The following WNT2B variants were observed in gnomAD, a reference collection of about 807,000 sequenced individuals.
WNT2B encodes the protein protein Wnt-2b.
A neutral mutation model predicts 40.5 loss-of-function variants in WNT2B; 19 were observed. That is an observed-to-expected ratio of 0.47 (90% CI 0.33 to 0.69). WNT2B has a LOEUF of 0.69. Among genes scored for constraint, WNT2B ranks in the 30% least tolerant of loss-of-function variants. The pLI is 0.02. For missense variants in WNT2B, 467 were observed against 556.4 expected (o/e 0.84, Z 1.62); for synonymous variants, 220 against 211.9 (o/e 1.04, Z -0.33).
intron 1 of WNT2B, among the ~76,000 whole-genome samples, chr1:112,472,635 G>A (rs1324985994): frequency 6.7e-6 from 1 of 149,940 alleles, no homozygotes; most frequent in Non-Finnish European, 1.5e-5. Context: ...TCAAGAATAT[G>A]TATAGGAAAA....
rs543766206 is a variant in WNT2B, at chr1:112,469,931, A to G, written c.-95+2340A>G. ...ACCCGGCCTATTTATATCTTCTTGT[A>G]CTATGTCTTCAAAAATTGTTGTGAT... is the stretch of plus-strand genomic sequence containing the variant. On this transcript the variant is annotated intron_variant, in intron 1 of 4. Transcript: ENST00000256640. Among the ~76,000 whole-genome samples the G allele has an allele frequency of 1.0e-3, 158 of 152,188 alleles. 2 individuals are homozygous for G. Among genetic ancestry groups the G allele is most frequent in the Non-Finnish European group, 1.7e-3 (116 of 67,980 alleles).
upstream of WNT2B, among the ~76,000 whole-genome samples, chr1:112,505,281 G>A (rs1364111889): frequency 6.6e-6 from 1 of 152,192 alleles, no homozygotes; most frequent in Non-Finnish European, 1.5e-5. Flanking sequence ...TCTGCAGCAT[G>A]CACCCTTGAA....
chr1:112,494,716 G>T (rs1262929064), intron 1 of WNT2B, among the ~76,000 whole-genome samples: 2 of 151,542 alleles, frequency 1.3e-5, no homozygotes, highest in African/African-American at 4.9e-5. Context: ...AAAAATAGGA[G>T]AATTTGTTGC....
chr1:112,499,072 G>C (rs1651866185), intron 1 of WNT2B, among the ~76,000 whole-genome samples: 1 of 152,088 alleles, frequency 6.6e-6, no homozygotes, highest in South Asian at 2.1e-4. Flanking sequence ...CGGTCGTGGT[G>C]GCGTGCGCCT....
chr1:112,489,653 T>C (rs780965386), intron 1 of WNT2B, among the ~76,000 whole-genome samples: 2 of 152,202 alleles, frequency 1.3e-5, no homozygotes, highest in Non-Finnish European at 2.9e-5. Context: ...GTCATAAAAC[T>C]TGCAATGCCA....
chr1:112,514,680 C>T lies in WNT2B; in HGVS notation c.183-194C>T, dbSNP rs948784601. ...GTGGGAGGCCACTCAATTACTCTCT[C>T]TGCAACTGTATAACTATTAATACTT... On this transcript the variant is annotated intron_variant, in intron 1 of 4. Coordinates refer to ENST00000369684, the MANE Select transcript of WNT2B (RefSeq NM_024494.3). The T allele has an allele frequency of 9.6e-6, 6 of 626,662 alleles. No homozygotes were observed. In the Admixed American group the frequency reaches 1.1e-4, roughly 11 times the overall value. The allele number at this position is 626,662 out of a possible 1,614,324, so 38.8% of individuals were successfully genotyped here.
upstream of WNT2B, chr1:112,508,878 C>A (rs913622016): frequency 3.4e-5 from 35 of 1,023,150 alleles, 1 homozygote; most frequent in South Asian, 9.2e-4. The surrounding 1 kb of genome is among the most constrained non-coding windows in gnomAD (Gnocchi z 4.2). Context: ...TTGGCGCGGG[C>A]GGAGCCGCCC....
chr1:112,500,612 A>AT (rs869100101), intron 1 of WNT2B, among the ~76,000 whole-genome samples: 2 of 146,774 alleles, frequency 1.4e-5, no homozygotes, highest in Non-Finnish European at 3.0e-5. Flanking sequence ...ACTAAAAAAA[A>AT]TTTTTTTTAA....
chr1:112,511,466 C>A (rs1457545504), intron 1 of WNT2B, among the ~76,000 whole-genome samples: 1 of 152,188 alleles, frequency 6.6e-6, no homozygotes, highest in Admixed American at 6.5e-5. Flanking sequence ...CCAAGCCTTT[C>A]TCTTAGGAAA....
intron 1 of WNT2B, among the ~76,000 whole-genome samples, chr1:112,501,156 CT>C (rs1280839037): frequency 2.6e-5 from 4 of 152,202 alleles, no homozygotes; most frequent in South Asian, 2.1e-4. Context: ...GAATGTCCCC[CT>C]GGTGGAATTT....
rs1652471994 is a variant in WNT2B at position 112,514,881 on chromosome 1, G to A, written c.190G>A (p.Gly64Arg). Reference protein sequence around the residue: ...ARVDTSWWYIGALGARVICDN... With the variant: ...ARVDTSWWYIRALGARVICDN... ...GCCATCTCTGCCTTGCAGGTACATT[G>A]GGGCACTGGGGGCACGAGTGATCTG... Residue 64 changes from glycine to arginine, a missense_variant, in exon 2 of 5, where the codon GGG becomes AGG. Gly to Arg is a moderately radical substitution (Grantham distance 125). Coordinates refer to ENST00000369684, the MANE Select transcript of WNT2B (RefSeq NM_024494.3). The A allele has an allele frequency of 6.2e-7, 1 of 1,614,196 alleles. No individual in the cohort carries two copies. Among genetic ancestry groups the A allele is most frequent in the African/African-American group, 1.3e-5 (1 of 75,062 alleles).
At chr1:112,485,639 T>G (rs1343050475) in intron 1 of WNT2B, among the ~76,000 whole-genome samples, 1 of 152,200 alleles carries the variant, frequency 6.6e-6, no homozygotes, top group East Asian at 1.9e-4. Context: ...AGCGTAATCT[T>G]TTCAATAAAT....
intron 1 of WNT2B, among the ~76,000 whole-genome samples, chr1:112,486,214 A>C (rs995007108): frequency 1.4e-4 from 21 of 151,750 alleles, no homozygotes; most frequent in Admixed American, 1.3e-3. Context: ...AGGCCAAGGC[A>C]GGTGGATCCC....
rs949078243 is a variant in WNT2B at position 112,522,305 on chromosome 1, C to G, written c.*1796C>G. Reference sequence around the variant, plus strand: ...GCAGCCTTCCAAAGTGCTGGGCGTACAAGCGCAAGCCACTGTGCCCAGCTG... The same window carrying G: ...GCAGCCTTCCAAAGTGCTGGGCGTAGAAGCGCAAGCCACTGTGCCCAGCTG... On this transcript the variant is annotated 3_prime_UTR_variant, in exon 5 of 5. Transcript: ENST00000369684. The G allele has an allele frequency of 6.6e-6, 1 of 152,264 alleles. No homozygotes were observed. The highest frequency in any genetic ancestry group is 2.4e-5 in the African/African-American group (1 of 41,458). 9.4% of individuals were successfully genotyped at this position (152,264 alleles called of 1,614,324 possible). A position where few individuals can be genotyped will look rare whatever the true frequency, so the allele number is the denominator to read the frequency against.
At chr1:112,497,574 G>C (rs1009851754) in intron 1 of WNT2B, among the ~76,000 whole-genome samples, 1 of 152,178 alleles carries the variant, frequency 6.6e-6, no homozygotes, top group African/African-American at 2.4e-5. Flanking sequence ...GCCTGTGATG[G>C]GCACAACAGC....
At chr1:112,490,032 A>G (rs1013981256) in intron 1 of WNT2B, among the ~76,000 whole-genome samples, 1 of 152,256 alleles carries the variant, frequency 6.6e-6, no homozygotes, top group East Asian at 1.9e-4. Context: ...ATAAAAGAAT[A>G]CATATATATC....
Position 112,516,431 on chromosome 1 carries a change from T to A in WNT2B, c.681+14T>A. 6.2e-7 allele frequency: 1 copy of A among 1,601,132 alleles called. No individual in the cohort carries two copies. Among genetic ancestry groups the A allele is most frequent in the Non-Finnish European group, 8.5e-7 (1 of 1,172,958 alleles). ...TGTGGTCGCACGGTCAGTACTCATG[T>A]CTGTGTAAGTACACTCATATTTGCT... is the stretch of plus-strand genomic sequence containing the variant. On this transcript the variant is annotated intron_variant, in intron 3 of 4. Transcript: ENST00000369684.
chr1:112,476,327 A>G (rs1021449403), intron 1 of WNT2B, among the ~76,000 whole-genome samples: 2 of 152,230 alleles, frequency 1.3e-5, no homozygotes, highest in Non-Finnish European at 2.9e-5. Flanking sequence ...AAATGCCTAT[A>G]TTAAAAAAGA....
chr1:112,487,885 G>A (rs937543120), intron 1 of WNT2B, among the ~76,000 whole-genome samples: 8 of 138,456 alleles, frequency 5.8e-5, no homozygotes, highest in Non-Finnish European at 1.1e-4. Flanking sequence ...AATGAGCCGA[G>A]ATTGCGCCAC....
Sources: allele counts gnomAD v4.1 joint callset (sites outside exome capture counted in the v4.1 genomes callset), GRCh38; gene constraint gnomAD v4.1.1; non-coding constraint Gnocchi (gnomAD v3.1); transcripts MANE v1.5; gene names NCBI Gene and HGNC (gene_info 2026-07-23, HGNC 2026-07-21).